Variants in BOD1L1 observed in about 807,000 individuals in gnomAD.
BOD1L1 encodes biorientation of chromosomes in cell division 1 like 1.
Under a neutral mutation model 240.7 loss-of-function variants are expected in BOD1L1, and 86 were observed. The observed-to-expected ratio is 0.36, with a 90% CI of 0.30 to 0.43. The LOEUF (loss-of-function observed/expected upper bound fraction) is 0.43, where lower values mean the gene tolerates loss of function less well. BOD1L1 is among the 20% of genes least tolerant of loss of function. BOD1L1 has a pLI of 1.00. For missense variants in BOD1L1, 3,554 were observed against 3,643.5 expected, an observed-to-expected ratio of 0.98 and a Z score of 0.63; for synonymous variants, 1,268 against 1,272.3, an observed-to-expected ratio of 1.00 and a Z score of 0.07.
In BOD1L1 at chr4:13,569,749, T is replaced by A; in HGVS notation, c.*262A>T. ...CACATTGGGAAATCCCAATTTTGAA[T>A]GTTAAAATATACAACTACTTTGTTT... On this transcript the variant is annotated 3_prime_UTR_variant, in exon 26 of 26. Coordinates refer to ENST00000040738, the MANE Select transcript of BOD1L1 (RefSeq NM_148894.3). 3.8e-6 allele frequency: 1 copy of A among 264,766 alleles called. No individual in the cohort carries two copies. Among genetic ancestry groups the A allele is most frequent in the Non-Finnish European group, 7.0e-6 (1 of 142,022 alleles). 16.4% of individuals were successfully genotyped at this position (264,766 alleles called of 1,614,324 possible). A position where few individuals can be genotyped will look rare whatever the true frequency, so the allele number is the denominator to read the frequency against.
At position 13,591,940 on chromosome 4, in the gene BOD1L1, C is replaced by T. The variant is rs1714252475; in HGVS notation, c.8131G>A (p.Val2711Met). The change falls in exon 13 of 26, where the codon GTG becomes ATG. Residue 2711 changes from valine (V) to methionine (M), a missense_variant. Physicochemically the swap from Val to Met is conservative, Grantham distance 21. This residue lies in a region of BOD1L1 where 3,393 missense variants were observed against 3,427.1 expected (regional missense o/e 0.99). Coordinates refer to ENST00000040738, the MANE Select transcript of BOD1L1 (RefSeq NM_148894.3). ...IAELQREPLL[V>M]NESLNVENSG... ...TGACTTACATTTAGTGATTCATTCA[C>T]CAACAAAGGCTCCCTCTGGAGTTCA... The T allele has an allele frequency of 6.4e-7, 1 of 1,564,398 alleles. No homozygotes were observed. Among genetic ancestry groups the T allele is most frequent in the South Asian group, 1.2e-5 (1 of 83,824 alleles).
At chr4:13,574,669 T>C (rs374238128) in intron 25 of BOD1L1, among the ~76,000 whole-genome samples, 11 of 152,266 alleles carry the variant, frequency 7.2e-5, no homozygotes, top group African/African-American at 2.6e-4. Flanking sequence ...TGCATGGGTG[T>C]TGGGCTCCAG....
intron 1 of BOD1L1, 111 bp downstream of exon 1, chr4:13,627,234 G>A (rs2109009660): frequency 2.1e-6 from 1 of 472,982 alleles, no homozygotes; most frequent in East Asian, 6.4e-5. Flanking sequence ...TCTGTGCTTT[G>A]CACAGTCCGT....
chr4:13,578,785 C>A (rs1315997056), intron 22 of BOD1L1, among the ~76,000 whole-genome samples: 4 of 152,148 alleles, frequency 2.6e-5, no homozygotes, highest in African/African-American at 9.7e-5. Flanking sequence ...ACAAACCAGG[C>A]TTGAGTAATC....
intron 18 of BOD1L1, 26 bp from the exon 19 acceptor site, chr4:13,582,336 A>T (rs768252476): frequency 1.3e-6 from 2 of 1,589,804 alleles, no homozygotes; most frequent in South Asian, 2.2e-5. Context: ...AACTTTGTTC[A>T]ATGCTAGTGA....
chr4:13,611,440 G>GC (rs1716166899), intron 5 of BOD1L1, among the ~76,000 whole-genome samples: 1 of 152,178 alleles, frequency 6.6e-6, no homozygotes, highest in Admixed American at 6.5e-5. Context: ...GCTCTGCTTC[G>GC]CAACACCAGC....
In BOD1L1 at chr4:13,602,873, T is replaced by C. The variant is rs772520207; in HGVS notation, c.4027A>G (p.Ser1343Gly). The C allele has an allele frequency of 6.2e-7, 1 of 1,614,076 alleles. No individual in the cohort carries two copies. The highest frequency in any genetic ancestry group is 2.2e-5 in the East Asian group (1 of 44,894). The change falls in exon 10 of 26, where the codon AGC (serine) becomes GGC (glycine). Residue 1343 changes from serine (S) to glycine (G), a missense_variant. By Grantham distance (56) the Ser-to-Gly change is moderately conservative. This residue lies in a region of BOD1L1 where 3,393 missense variants were observed against 3,427.1 expected (regional missense o/e 0.99). Coordinates refer to ENST00000040738, the MANE Select transcript of BOD1L1 (RefSeq NM_148894.3). ...RESEVLKTSD[S>G]KEGGEGFTVD... ...GTGAAACCTTCACCACCTTCTTTGC[T>C]GTCACTTGTCTTAAGGACTTCTGAT...
In BOD1L1 at chr4:13,600,365, C is replaced by T. The variant is rs773109213; in HGVS notation, c.6535G>A (p.Ala2179Thr). ...QPVAAAVEER[A>T]TGPVLISTAD... ...GTGCTTATCAAGACTGGACCTGTAG[C>T]CCTTTCTTCCACTGCTGCAGCAACC... is the stretch of plus-strand genomic sequence containing the variant. Residue 2179 changes from alanine (A) to threonine (T), a missense_variant, in exon 10 of 26, where the codon GCT becomes ACT. This residue lies in a region of BOD1L1 where 3,393 missense variants were observed against 3,427.1 expected (regional missense o/e 0.99). Coordinates refer to ENST00000040738, the MANE Select transcript of BOD1L1 (RefSeq NM_148894.3). 4 of 1,613,884 alleles carry T rather than the reference C, an allele frequency of 2.5e-6. No homozygotes were observed. Among genetic ancestry groups the T allele is most frequent in the Non-Finnish European group, 3.4e-6 (4 of 1,179,906 alleles).
chr4:13,595,310 A>G lies in BOD1L1; in HGVS notation c.8104+550T>C, dbSNP rs561053354. On this transcript the variant is annotated intron_variant, in intron 12 of 25. Coordinates refer to ENST00000040738, the MANE Select transcript of BOD1L1 (RefSeq NM_148894.3). ...TCAGTAATTTTTGGTCCTTGAGACC[A>G]AAACGTTTAAGAGCTCCTGCCTTTA... Among the ~76,000 whole-genome samples the G allele has an allele frequency of 6.6e-5, 10 of 152,348 alleles. No individual in the cohort carries two copies. In the East Asian group the frequency reaches 1.7e-3, roughly 26 times the overall value.
chr4:13,582,802 C>A, intron 17 of BOD1L1, 66 bp from the exon 18 acceptor site: 1 of 1,101,390 alleles, frequency 9.1e-7, no homozygotes. Context: ...TCATCCTCCC[C>A]ACACAAGTTT....
At chr4:13,573,442 G>GTCTGTCTATCTATCTA (rs1384944208) in intron 25 of BOD1L1, among the ~76,000 whole-genome samples, 161 of 120,848 alleles carry the variant, frequency 1.3e-3, no homozygotes, top group Middle Eastern at 4.8e-3. Context: ...CTGTCTGTCT[G>GTCTGTCTATCTATCTA]TCTATCTATC....
intron 5 of BOD1L1, among the ~76,000 whole-genome samples, chr4:13,612,273 G>A (rs1221239197): frequency 1.3e-5 from 2 of 152,146 alleles, no homozygotes; most frequent in African/African-American, 2.4e-5. Context: ...TAGCCTATCC[G>A]AAAGCTGGCA....
At chr4:13,596,081 A>T in intron 11 of BOD1L1, 137 bp from the exon 12 acceptor site, 1 of 674,644 alleles carries the variant, frequency 1.5e-6, no homozygotes, top group East Asian at 2.6e-5. Context: ...CACAAAACTT[A>T]AAAATAAATA....
rs1715057032 is a variant in BOD1L1 at position 13,600,645 on chromosome 4, T to C, written c.6255A>G (p.Val2085=). ...TSTTNDYTPQ[V]SAITDVEGGL... is the part of the protein sequence containing the mutation. ...CTCCTTCCACATCTGTAATTGCGCT[T>C]ACCTGAGGGGTGTAATCATTTGTGG... is the stretch of plus-strand genomic sequence containing the variant. The change falls in exon 10 of 26, where the codon GTA becomes GTG. Residue 2085 remains valine, a synonymous_variant. Coordinates refer to ENST00000040738, the MANE Select transcript of BOD1L1 (RefSeq NM_148894.3). The C allele has an allele frequency of 6.2e-7, 1 of 1,613,620 alleles. No homozygotes were observed. The highest frequency in any genetic ancestry group is 1.3e-5 in the African/African-American group (1 of 74,922).
At chr4:13,607,259 T>A in intron 8 of BOD1L1, 70 bp from the exon 9 acceptor site, 1 of 782,840 alleles carries the variant, frequency 1.3e-6, no homozygotes, top group South Asian at 3.0e-5. Context: ...TTGAAAACAA[T>A]AAAAATCTTT....
chr4:13,609,405 G>C lies in BOD1L1; in HGVS notation c.1493C>G (p.Ala498Gly). Residue 498 changes from alanine (A) to glycine (G), a missense_variant and splice_region_variant, in exon 7 of 26, where the codon GCC becomes GGC. Physicochemically the swap from Ala to Gly is moderately conservative, Grantham distance 60 (BLOSUM62 0). This residue lies in a region of BOD1L1 where 3,393 missense variants were observed against 3,427.1 expected (regional missense o/e 0.99). Transcript: ENST00000040738. ...LTVEQRRQSI[A>G]KEKEERLLRR... ...TAAAAGCCTCTCTTCTTTTTCTTTG[G>C]CCTAAAACCACAAAATACCCTAACA... is the stretch of plus-strand genomic sequence containing the variant. 6.7e-7 allele frequency: 1 copy of C among 1,492,470 alleles called. No homozygotes were observed. The highest frequency in any genetic ancestry group is 1.4e-5 in the South Asian group (1 of 70,404). The allele number at this position is 1,492,470 out of a possible 1,614,324, so 92.5% of individuals were successfully genotyped here. A position where few individuals can be genotyped will look rare whatever the true frequency, so the allele number is the denominator to read the frequency against.
At position 13,601,617 on chromosome 4, in the gene BOD1L1, G is replaced by A; in HGVS notation, c.5283C>T (p.Val1761=). 5.0e-6 allele frequency: 8 copies of A among 1,613,884 alleles called. No homozygotes were observed. Among genetic ancestry groups the A allele is most frequent in the Non-Finnish European group, 6.8e-6 (8 of 1,179,882 alleles). ...EERMVTGAGV[V]LGDNDAPPGT... ...CTGGTGGTGCATCATTATCTCCCAGGACAACACCTGCACCTGTAACCATGC... is the reference window on the plus strand; with the variant it reads ...CTGGTGGTGCATCATTATCTCCCAGAACAACACCTGCACCTGTAACCATGC... The change falls in exon 10 of 26, where the codon GTC becomes GTT. Residue 1761 remains valine, a synonymous_variant. Transcript: ENST00000040738.
Position 13,579,933 on chromosome 4 carries a change from T to G in BOD1L1, c.8744A>C (p.Gln2915Pro). ...GGAATGCGGTAGGTACATACCTGTT[T>G]GCATTACTTTCAGTTTGCTGCTAGA... ...SPSSSKLKVM[Q>P]TDESNKETAN... Residue 2915 changes from glutamine to proline, a missense_variant, in exon 22 of 26, where the codon CAA becomes CCA. Gln to Pro is a moderately conservative substitution (Grantham distance 76). Coordinates refer to ENST00000040738, the MANE Select transcript of BOD1L1 (RefSeq NM_148894.3). The G allele has an allele frequency of 1.0e-5, 16 of 1,561,906 alleles. No individual in the cohort carries two copies. Among genetic ancestry groups the G allele is most frequent in the Non-Finnish European group, 1.4e-5 (16 of 1,151,792 alleles).
At chr4:13,573,115 C>A (rs1712350487) in intron 25 of BOD1L1, among the ~76,000 whole-genome samples, 1 of 152,092 alleles carries the variant, frequency 6.6e-6, no homozygotes, top group Admixed American at 6.5e-5. Flanking sequence ...AGAAAATATA[C>A]TGGCCGACAA....
Sources: gnomAD v4.1 joint callset for allele counts (sites outside exome capture counted in the v4.1 genomes callset) on GRCh38, gnomAD v4.1.1 for gene constraint, gnomAD v4.1.1 regional missense constraint, MANE v1.5 for transcripts, NCBI Gene and HGNC (gene_info 2026-07-23, HGNC 2026-07-21) for gene names.